TTLL7: variants seen among roughly 807,000 people sequenced by gnomAD.
TTLL7 encodes tubulin polyglutamylase TTLL7.
Under a neutral mutation model 120.2 loss-of-function variants are expected in TTLL7, and 53 were observed. That is an observed-to-expected ratio of 0.44 (90% CI 0.35 to 0.55). The LOEUF (loss-of-function observed/expected upper bound fraction) is 0.55. TTLL7 is among the 20% of genes least tolerant of loss of function. The probability of loss-of-function intolerance (pLI) is 0.00; values close to 1 mark genes in which losing one functional copy is unlikely to be tolerated. For synonymous variants in TTLL7, 353 were observed against 351.7 expected (o/e 1.00, Z -0.04); for missense variants, 803 against 1,054.7 (o/e 0.76, Z 3.31).
At chr1:83,896,874 C>T (rs1257944024) in intron 18 of TTLL7, among the ~76,000 whole-genome samples, 1 of 152,098 alleles carries the variant, frequency 6.6e-6, no homozygotes, top group Non-Finnish European at 1.5e-5. Flanking sequence ...AGCCCACCAA[C>T]ATGACTATAT....
intron 17 of TTLL7, among the ~76,000 whole-genome samples, chr1:83,904,962 T>C (rs529114010): frequency 6.6e-6 from 1 of 152,096 alleles, no homozygotes; most frequent in African/African-American, 2.4e-5. Flanking sequence ...TTTTATTAAT[T>C]ATATAAGCCT....
chr1:83,952,437 T>G (rs41293015), intron 1 of TTLL7, 50 bp from the exon 2 acceptor site: 1 of 442,676 alleles, frequency 2.3e-6, no homozygotes, highest in Non-Finnish European at 4.0e-6. Context: ...TTTTGAATTT[T>G]TTTTCATATA....
chr1:83,880,197 G>A (rs1173859275), intron 20 of TTLL7: 1 of 151,862 alleles, frequency 6.6e-6, no homozygotes, highest in African/African-American at 2.4e-5. Context: ...ATTTGCTTCA[G>A]TGAAACCATT....
chr1:83,883,625 T>C (rs749824301), intron 19 of TTLL7, among the ~76,000 whole-genome samples: 2 of 151,960 alleles, frequency 1.3e-5, no homozygotes, highest in African/African-American at 2.4e-5. Context: ...CAACACCTCT[T>C]AAAAAATGGA....
intron 19 of TTLL7, among the ~76,000 whole-genome samples, chr1:83,884,665 T>C (rs558059765): frequency 1.5e-4 from 21 of 140,506 alleles, no homozygotes; most frequent in Non-Finnish European, 2.6e-4. Flanking sequence ...TAGGTGGGAA[T>C]TGAACAATGA....
chr1:83,882,842 G>A, intron 20 of TTLL7, 121 bp downstream of exon 20: 1 of 1,137,090 alleles, frequency 8.8e-7, no homozygotes, highest in Non-Finnish European at 1.3e-6. Flanking sequence ...TAGCATGTAT[G>A]AACTTTCAGT....
At chr1:83,945,626 T>C (rs1387407467) in intron 6 of TTLL7, among the ~76,000 whole-genome samples, 1 of 152,176 alleles carries the variant, frequency 6.6e-6, no homozygotes, top group East Asian at 1.9e-4. Context: ...ACTACTGCAT[T>C]ACATGAGATA....
At chr1:83,912,241 A>G (rs1248174174) in intron 14 of TTLL7, among the ~76,000 whole-genome samples, 1 of 152,176 alleles carries the variant, frequency 6.6e-6, no homozygotes, top group Admixed American at 6.6e-5. Flanking sequence ...GTAAAGACTG[A>G]AAATGCCATG....
intron 19 of TTLL7, among the ~76,000 whole-genome samples, chr1:83,887,589 G>A (rs577123946): frequency 5.9e-5 from 9 of 152,152 alleles, no homozygotes; most frequent in African/African-American, 2.2e-4. Flanking sequence ...AGTCAAATCG[G>A]TCTCAAAACT....
At chr1:83,971,502 T>C (rs1650981582) in intron 1 of TTLL7, among the ~76,000 whole-genome samples, 1 of 152,080 alleles carries the variant, frequency 6.6e-6, no homozygotes, top group African/African-American at 2.4e-5. Context: ...CTCAGTTTTT[T>C]TGGAGTGATT....
chr1:83,996,069 G>A (rs1653450760), intron 1 of TTLL7, among the ~76,000 whole-genome samples: 1 of 152,092 alleles, frequency 6.6e-6, no homozygotes, highest in Non-Finnish European at 1.5e-5. Context: ...GAAAAAAGTG[G>A]AAAGAAACAT....
intron 1 of TTLL7, among the ~76,000 whole-genome samples, chr1:83,953,731 T>C (rs776113265): frequency 5.8e-4 from 89 of 152,288 alleles, no homozygotes; most frequent in African/African-American, 2.1e-3. Flanking sequence ...CAAGGTAACA[T>C]GGCTTAGAAA....
At chr1:83,919,017 C>T (rs1424194064) in intron 13 of TTLL7, among the ~76,000 whole-genome samples, 1 of 152,012 alleles carries the variant, frequency 6.6e-6, no homozygotes, top group South Asian at 2.1e-4. Context: ...TACCAGCCAG[C>T]TCCCAGATGT....
At chr1:83,892,256 G>T (rs1655565940) in intron 18 of TTLL7, among the ~76,000 whole-genome samples, 1 of 132,756 alleles carries the variant, frequency 7.5e-6, no homozygotes, top group African/African-American at 2.8e-5. Flanking sequence ...ATGTATATAT[G>T]AATATATATA....
At position 83,919,666 on chromosome 1, in the gene TTLL7, C is replaced by T. The variant is rs190868992; in HGVS notation, c.1500+33G>A. The T allele has an allele frequency of 8.9e-5, 139 of 1,568,520 alleles. 1 individual carries two copies. The East Asian group carries it at 2.6e-3, about 30-fold the overall frequency. ...TAAAGACATATTGTTTAGCTTTATT[C>T]TTTTTTCTCTATATAAACATTCATT... On this transcript the variant is annotated intron_variant, in intron 13 of 20. Transcript: ENST00000260505.
chr1:83,897,302 GAAT>G (rs1384607903), intron 18 of TTLL7, among the ~76,000 whole-genome samples: 1 of 151,990 alleles, frequency 6.6e-6, no homozygotes, highest in African/African-American at 2.4e-5. Flanking sequence ...TCCATACCTT[GAAT>G]AGTGCCTGGG....
chr1:83,978,867 G>A (rs750511927), intron 1 of TTLL7, among the ~76,000 whole-genome samples: 67 of 152,104 alleles, frequency 4.4e-4, no homozygotes, highest in Non-Finnish European at 6.8e-4. Context: ...GTTATGGAGC[G>A]TGAGATAAAT....
At chr1:83,950,501 G>T (rs1648944290) in intron 3 of TTLL7, among the ~76,000 whole-genome samples, 1 of 152,176 alleles carries the variant, frequency 6.6e-6, no homozygotes, top group African/African-American at 2.4e-5. Context: ...TCACAGGAGA[G>T]ATTTGGTTTT....
At chr1:83,879,957 C>A (rs1321357264) in intron 20 of TTLL7, 1 of 151,948 alleles carries the variant, frequency 6.6e-6, no homozygotes, top group Non-Finnish European at 1.5e-5. Flanking sequence ...GCTACAAGAT[C>A]CATCAACAGA....
Sources: allele counts gnomAD v4.1 joint callset (sites outside exome capture counted in the v4.1 genomes callset), GRCh38; gene constraint gnomAD v4.1.1; transcripts MANE v1.5; gene names NCBI Gene and HGNC (gene_info 2026-07-23, HGNC 2026-07-21).